The following SLC25A48 variants were observed in gnomAD, a reference collection of about 807,000 sequenced individuals.
The protein encoded by SLC25A48 is solute carrier family 25 member 48.
A neutral mutation model predicts 32.2 loss-of-function variants in SLC25A48; 29 were observed. The observed-to-expected ratio is 0.90, with a 90% CI of 0.67 to 1.23. The LOEUF (loss-of-function observed/expected upper bound fraction) is 1.23, where lower values mean the gene tolerates loss of function less well. SLC25A48 is among the 50% of genes most tolerant of loss of function. The probability of loss-of-function intolerance (pLI) is 0.00; values close to 1 mark genes in which losing one functional copy is unlikely to be tolerated. For missense variants in SLC25A48, 399 were observed against 422.7 expected (o/e 0.94, Z 0.49); for synonymous variants, 164 against 172.3 (o/e 0.95, Z 0.38).
At chr5:135,801,230 G>T (rs187499487) in intron 3 of SLC25A48, among the ~76,000 whole-genome samples, 22 of 149,476 alleles carry the variant, frequency 1.5e-4, no homozygotes, top group Admixed American at 6.0e-4. Context: ...TATCACAAGG[G>T]GTGTACACCC....
At position 135,730,073 on chromosome 5, in the gene SLC25A48, G is replaced by A. The variant is rs141059479; in HGVS notation, c.-520-82450G>A. 4.7e-4 allele frequency among the ~76,000 whole-genome samples: 71 copies of A among 152,202 alleles called. 2 individuals carry two copies. The East Asian group carries it at 0.014, about 29-fold the overall frequency. ...AGAGGTTGCAGGCAAGAAGCTTTGG[G>A]GCTCAGACCGAAGAGGTGATAAATA... On this transcript the variant is annotated intron_variant, in intron 3 of 10. Coordinates refer to the SLC25A48 transcript ENST00000646290.
At position 135,817,456 on chromosome 5, in the gene SLC25A48, G is replaced by T. The variant is rs576931128; in HGVS notation, c.-117+4530G>T. Among the ~76,000 whole-genome samples the T allele has an allele frequency of 8.5e-5, 13 of 152,286 alleles. No individual in the cohort carries two copies. In the South Asian group the frequency reaches 2.7e-3, roughly 32 times the overall value. ...AATGAGGGAAAGAAAAGTCTTTTCA[G>T]CCAGTGAGGCACAATAGCTATCCAA... On this transcript the variant is annotated intron_variant, in intron 4 of 10. Transcript: ENST00000646290.
chr5:135,833,350 C>T (rs954573029), upstream of SLC25A48, among the ~76,000 whole-genome samples: 2 of 152,258 alleles, frequency 1.3e-5, no homozygotes, highest in Non-Finnish European at 2.9e-5. Context: ...GGATGACAAA[C>T]TGCCTGGCAC....
At chr5:135,733,139 A>T (rs2126993568) in intron 3 of SLC25A48, among the ~76,000 whole-genome samples, 1 of 152,324 alleles carries the variant, frequency 6.6e-6, no homozygotes, top group African/African-American at 2.4e-5. Context: ...GGCTCGAGTT[A>T]AGGCAATGAG....
chr5:135,763,137 C>A (rs796977128), intron 3 of SLC25A48, among the ~76,000 whole-genome samples: 11 of 152,152 alleles, frequency 7.2e-5, no homozygotes, highest in African/African-American at 2.2e-4. Flanking sequence ...GAAACACAAA[C>A]CCTGACCGTG....
intron 3 of SLC25A48, among the ~76,000 whole-genome samples, chr5:135,720,692 A>G (rs1202113825): frequency 7.2e-5 from 11 of 152,192 alleles, no homozygotes; most frequent in East Asian, 5.8e-4. Flanking sequence ...ATCTCCCCCA[A>G]TCCATTGCAC....
chr5:135,655,195 G>A (rs1041754198), intron 3 of SLC25A48, among the ~76,000 whole-genome samples: 4 of 152,158 alleles, frequency 2.6e-5, no homozygotes, highest in Non-Finnish European at 5.9e-5. Flanking sequence ...TTCAGGGGAA[G>A]ATTCCAAAAC....
intron 3 of SLC25A48, among the ~76,000 whole-genome samples, chr5:135,643,974 G>A (rs1447147214): frequency 1.3e-5 from 2 of 152,096 alleles, no homozygotes; most frequent in Non-Finnish European, 2.9e-5. Context: ...AAACTCCAGA[G>A]CCCACACTCT....
intron 3 of SLC25A48, among the ~76,000 whole-genome samples, chr5:135,797,958 G>A (rs1235310189): frequency 6.6e-6 from 1 of 151,664 alleles, no homozygotes; most frequent in Non-Finnish European, 1.5e-5. Flanking sequence ...CCCCTCTATG[G>A]TATTGTTTTT....
chr5:135,729,093 C>T (rs1458709999), intron 3 of SLC25A48, among the ~76,000 whole-genome samples: 1 of 152,002 alleles, frequency 6.6e-6, no homozygotes, highest in Non-Finnish European at 1.5e-5. Context: ...CTTCCATGTG[C>T]CTAGTAATTC....
chr5:135,683,905 C>T (rs1195938375), intron 3 of SLC25A48, among the ~76,000 whole-genome samples: 1 of 152,044 alleles, frequency 6.6e-6, no homozygotes, highest in Non-Finnish European at 1.5e-5. Flanking sequence ...TAGCATTCTC[C>T]CTGCAGTGTC....
rs115198089 is a variant in SLC25A48 at position 135,790,837 on chromosome 5, G to T, written c.-520-21686G>T. 5.4e-3 allele frequency among the ~76,000 whole-genome samples: 819 copies of T among 151,988 alleles called. 7 individuals are homozygous for T. Among genetic ancestry groups the T allele is most frequent in the African/African-American group, 0.019 (781 of 41,480 alleles). ...GATGTTACTCCTAATGTCACAGTGG[G>T]TGTAGACTATGTGTATACACTGTGT... On this transcript the variant is annotated intron_variant, in intron 3 of 10. Coordinates refer to the SLC25A48 transcript ENST00000646290.
intron 3 of SLC25A48, among the ~76,000 whole-genome samples, chr5:135,766,595 T>C (rs561797615): frequency 6.6e-6 from 1 of 150,750 alleles, no homozygotes; most frequent in Admixed American, 6.6e-5. Flanking sequence ...TTACTTCCCA[T>C]CCCACGGAAG....
intron 1 of SLC25A48, among the ~76,000 whole-genome samples, chr5:135,612,679 A>T (rs1052613877): frequency 6.6e-6 from 1 of 152,166 alleles, no homozygotes; most frequent in African/African-American, 2.4e-5. Context: ...ACTTAACATG[A>T]TGACCCCCAG....
intron 4 of SLC25A48, among the ~76,000 whole-genome samples, chr5:135,862,582 A>G (rs1477122150): frequency 6.6e-6 from 1 of 152,194 alleles, no homozygotes; most frequent in Non-Finnish European, 1.5e-5. Flanking sequence ...TGTGTGCTTC[A>G]ATGAGAAAGG....
intron 4 of SLC25A48, among the ~76,000 whole-genome samples, chr5:135,866,744 G>A (rs975975816): frequency 6.6e-6 from 1 of 152,240 alleles, no homozygotes; most frequent in African/African-American, 2.4e-5. Context: ...TGTGCTGGCC[G>A]GGACTGAGCT....
intron 3 of SLC25A48, among the ~76,000 whole-genome samples, chr5:135,791,854 T>G (rs1757038491): frequency 1.3e-5 from 2 of 151,548 alleles, no homozygotes; most frequent in African/African-American, 4.8e-5. Flanking sequence ...TATTCACAAT[T>G]TTCTAGAGGT....
intron 4 of SLC25A48, 117 bp downstream of exon 4, chr5:135,852,938 C>A: frequency 1.5e-6 from 2 of 1,354,880 alleles, no homozygotes; most frequent in Non-Finnish European, 2.0e-6. Flanking sequence ...TACCTTGTCA[C>A]CTAGTAGTCC....
At chr5:135,645,600 A>G (rs1223832459) in intron 3 of SLC25A48, among the ~76,000 whole-genome samples, 1 of 152,180 alleles carries the variant, frequency 6.6e-6, no homozygotes, top group Non-Finnish European at 1.5e-5. Context: ...CTTCTTAGAA[A>G]AGTGTTTTTA....
Sources: allele counts gnomAD v4.1 joint callset (sites outside exome capture counted in the v4.1 genomes callset), GRCh38; gene constraint gnomAD v4.1.1; transcripts MANE v1.5; gene names NCBI Gene and HGNC (gene_info 2026-07-23, HGNC 2026-07-21).